BCAS3: variants seen among roughly 807,000 people sequenced by gnomAD.
BCAS3 encodes the protein BCAS3 microtubule associated cell migration factor, also known as BCAS4/BCAS3 fusion.
A neutral mutation model predicts 116.1 loss-of-function variants in BCAS3; 53 were observed. The observed-to-expected ratio is 0.46, with a 90% CI of 0.37 to 0.57. The LOEUF (loss-of-function observed/expected upper bound fraction) is 0.57. Ranked by LOEUF, BCAS3 falls within the 20% of genes least tolerant of loss-of-function variation. The pLI, the probability that BCAS3 is intolerant of heterozygous loss-of-function variation, is 0.00. For missense variants in BCAS3, 917 were observed against 1,165.4 expected, an observed-to-expected ratio of 0.79 and a Z score of 3.10; for synonymous variants, 391 against 408.2, an observed-to-expected ratio of 0.96 and a Z score of 0.51.
Position 61,279,244 on chromosome 17 carries a change from G to A in BCAS3, c.2426-89083G>A, listed in dbSNP as rs948851136. Among the ~76,000 whole-genome samples, 3 of 152,068 alleles carry A rather than the reference G, an allele frequency of 2.0e-5. No individual in the cohort carries two copies. Among genetic ancestry groups the A allele is most frequent in the South Asian group, 2.1e-4 (1 of 4,808 alleles). ...TTACAGGCATGAGCCACCATACCTA[G>A]CCTGAATTATATACTTTAAGTGGGT... is the stretch of plus-strand genomic sequence containing the variant. On this transcript the variant is annotated intron_variant, in intron 22 of 23. Coordinates refer to ENST00000407086, the MANE Select transcript of BCAS3 (RefSeq NM_017679.5). This position sits in a 1 kb window ranked among gnomAD's most constrained non-coding sequence, Gnocchi z 4.4.
chr17:60,841,664 G>A (rs190095178), intron 7 of BCAS3, among the ~76,000 whole-genome samples: 33 of 151,748 alleles, frequency 2.2e-4, no homozygotes, highest in African/African-American at 7.5e-4. Context: ...ACAGGCATGA[G>A]CCATTGCGCA....
rs918122391 is a variant in BCAS3, at chr17:60,961,478, G to A, written c.1221+14126G>A. On this transcript the variant is annotated intron_variant, in intron 14 of 23. Transcript: ENST00000407086. The surrounding 1 kb of genome is among the most constrained non-coding windows in gnomAD (Gnocchi z 4.8). ...GAATGAACCTCGAGATTACCCAGAT[G>A]TAGTAAATTATAAAAATTATTTTAT... Among the ~76,000 whole-genome samples the A allele has an allele frequency of 6.6e-6, 1 of 151,986 alleles. No homozygotes were observed. Among genetic ancestry groups the A allele is most frequent in the African/African-American group, 2.4e-5 (1 of 41,370 alleles).
intron 5 of BCAS3, among the ~76,000 whole-genome samples, chr17:60,715,258 C>G (rs1205718157): frequency 6.7e-6 from 1 of 150,346 alleles, no homozygotes; most frequent in African/African-American, 2.5e-5. Flanking sequence ...CTCAGCCTCC[C>G]AAGTAACTGG....
intron 19 of BCAS3, among the ~76,000 whole-genome samples, chr17:61,059,513 G>GGT (rs2069761580): frequency 6.6e-6 from 1 of 152,124 alleles, no homozygotes; most frequent in South Asian, 2.1e-4. Flanking sequence ...AATGATAGCT[G>GGT]GTGGTTGTAC....
chr17:60,742,854 C>G (rs1000709545), intron 5 of BCAS3, among the ~76,000 whole-genome samples: 1 of 151,894 alleles, frequency 6.6e-6, no homozygotes, highest in Non-Finnish European at 1.5e-5. Context: ...TGGCTCACGC[C>G]TGTAATCCCA....
At chr17:60,948,083 A>G (rs983440237) in intron 14 of BCAS3, among the ~76,000 whole-genome samples, 3 of 151,770 alleles carry the variant, frequency 2.0e-5, no homozygotes, top group African/African-American at 7.3e-5. Flanking sequence ...TAATATTCTT[A>G]TTTAATTTTT....
chr17:60,735,984 A>AGTGAGTGT (rs1183831082), intron 5 of BCAS3, among the ~76,000 whole-genome samples: 1 of 152,124 alleles, frequency 6.6e-6, no homozygotes, highest in African/African-American at 2.4e-5. Flanking sequence ...TGAGCCATTC[A>AGTGAGTGT]ACATTTTTTG....
chr17:60,864,151 G>T (rs1436768696), intron 7 of BCAS3, among the ~76,000 whole-genome samples: 1 of 152,188 alleles, frequency 6.6e-6, no homozygotes, highest in Non-Finnish European at 1.5e-5. Context: ...GGAAAGGGAT[G>T]GAGATTTTCC....
At position 61,063,187 on chromosome 17, in the gene BCAS3, C is replaced by T. The variant is rs1185194726; in HGVS notation, c.2030-11733C>T. Among the ~76,000 whole-genome samples the T allele has an allele frequency of 6.6e-6, 1 of 152,150 alleles. No homozygotes were observed. Among genetic ancestry groups the T allele is most frequent in the Non-Finnish European group, 1.5e-5 (1 of 68,032 alleles). On this transcript the variant is annotated intron_variant, in intron 19 of 23. Coordinates refer to ENST00000407086, the MANE Select transcript of BCAS3 (RefSeq NM_017679.5). This position sits in a 1 kb window ranked among gnomAD's most constrained non-coding sequence, Gnocchi z 5.3. ...TGCACCACTTCTGCCTTTTGGTAGCCATTGCTTTGATTGTGCTTCGTCTCT... is the reference window on the plus strand; with the variant it reads ...TGCACCACTTCTGCCTTTTGGTAGCTATTGCTTTGATTGTGCTTCGTCTCT...
At chr17:60,986,600 G>A (rs561671758) in intron 14 of BCAS3, among the ~76,000 whole-genome samples, 2 of 152,228 alleles carry the variant, frequency 1.3e-5, no homozygotes, top group South Asian at 2.1e-4. Flanking sequence ...GATTATTGAT[G>A]TTGAGCACAT....
intron 22 of BCAS3, among the ~76,000 whole-genome samples, chr17:61,086,353 A>G (rs371621458): frequency 6.6e-6 from 1 of 152,226 alleles, no homozygotes; most frequent in African/African-American, 2.4e-5. Context: ...TCAGCCTCCC[A>G]AAGTGTTGGG....
chr17:60,706,760 A>AAAAAC (rs148173954), intron 4 of BCAS3, among the ~76,000 whole-genome samples: 9,639 of 150,864 alleles, frequency 0.064, 1,071 homozygotes, highest in African/African-American at 0.22. Context: ...CTCTGTCTCA[A>AAAAAC]AAAACAAAAC....
intron 7 of BCAS3, among the ~76,000 whole-genome samples, chr17:60,854,739 T>C (rs2144822245): frequency 6.6e-6 from 1 of 152,246 alleles, no homozygotes; most frequent in Non-Finnish European, 1.5e-5. Flanking sequence ...ACTTTTACAC[T>C]GTTGGTGGGA....
At chr17:61,147,986 C>CAA (rs10634673) in intron 22 of BCAS3, among the ~76,000 whole-genome samples, 137,450 of 148,748 alleles carry the variant, frequency 0.92, 64,247 homozygotes, top group South Asian at 1. Flanking sequence ...AACTCTGTCT[C>CAA]AGAAAAAAAA....
intron 5 of BCAS3, 70 bp downstream of exon 5, chr17:60,709,395 T>TA: frequency 2.0e-6 from 2 of 1,019,946 alleles, no homozygotes; most frequent in Non-Finnish European, 3.0e-6. Flanking sequence ...AATCTGTAGA[T>TA]ACTTTTTTTT....
chr17:61,086,662 ACTT>A lies in BCAS3; in HGVS notation c.2425+2102_2425+2104del. 5 of 985,076 alleles carry A rather than the reference ACTT, an allele frequency of 5.1e-6. No individual in the cohort carries two copies. In the African/African-American group the frequency reaches 7.0e-5, roughly 14 times the overall value. 61.0% of individuals were successfully genotyped at this position (985,076 alleles called of 1,614,324 possible). A position where few individuals can be genotyped will look rare whatever the true frequency, so the allele number is the denominator to read the frequency against. The stretch of plus-strand genomic sequence containing the variant: ...GTACCCATCTTTTGAGTAGGAAAGA[ACTT>A]CTTGGTGGCTAAGCTTTATTATTAT... On this transcript the variant is annotated intron_variant, in intron 22 of 23. Transcript: ENST00000407086.
intron 22 of BCAS3, among the ~76,000 whole-genome samples, chr17:61,267,878 C>T (rs1273553224): frequency 6.6e-6 from 1 of 152,132 alleles, no homozygotes; most frequent in East Asian, 1.9e-4. Flanking sequence ...TTTTATTCTC[C>T]TCCACGTCCG....
chr17:60,938,711 A>T (rs906842429), intron 13 of BCAS3, among the ~76,000 whole-genome samples: 4 of 146,570 alleles, frequency 2.7e-5, no homozygotes, highest in Non-Finnish European at 4.5e-5. Context: ...TTTCTGATAG[A>T]AGATAGATAG....
chr17:60,997,912 GA>G (rs1437501799), intron 15 of BCAS3, among the ~76,000 whole-genome samples: 13 of 152,270 alleles, frequency 8.5e-5, no homozygotes, highest in African/African-American at 3.1e-4. Flanking sequence ...TATATTGCAT[GA>G]TGCTGAGGTT....
Sources: gnomAD v4.1 joint callset for allele counts (sites outside exome capture counted in the v4.1 genomes callset) on GRCh38, gnomAD v4.1.1 for gene constraint, Gnocchi (gnomAD v3.1) non-coding constraint, MANE v1.5 for transcripts, NCBI Gene and HGNC (gene_info 2026-07-23, HGNC 2026-07-21) for gene names.